The following DPP10 variants were observed in gnomAD, a reference collection of about 807,000 sequenced individuals.
DPP10 encodes dipeptidyl peptidase like 10, also known as inactive dipeptidyl peptidase 10.
In DPP10, 33 loss-of-function variants were observed where a neutral mutation model predicts 120.9. The ratio of observed to expected loss-of-function variants is 0.27; its 90% CI spans 0.21 to 0.37. The LOEUF (loss-of-function observed/expected upper bound fraction) is 0.37, where lower values mean the gene tolerates loss of function less well. Ranked by LOEUF, DPP10 falls within the 10% of genes least tolerant of loss-of-function variation. The probability of loss-of-function intolerance (pLI) is 1.00; values close to 1 mark genes in which losing one functional copy is unlikely to be tolerated. For synonymous variants in DPP10, 337 were observed against 326.1 expected (o/e 1.03, Z -0.36); for missense variants, 816 against 942.8 (o/e 0.87, Z 1.76).
chr2:115,666,722 T>A lies in DPP10; in HGVS notation c.442-22965T>A, dbSNP rs548550993. Among the ~76,000 whole-genome samples, 25 of 152,310 alleles carry A rather than the reference T, an allele frequency of 1.6e-4. No individual in the cohort carries two copies. In the South Asian group the frequency reaches 4.6e-3, roughly 28 times the overall value. ...GGAATAGTGTTGTGATGAACAGACG[T>A]GTTCCTCTGTCTTTATGGTTGAACA... On this transcript the variant is annotated intron_variant, in intron 5 of 25. Transcript: ENST00000410059.
intron 1 of DPP10, among the ~76,000 whole-genome samples, chr2:114,735,545 ATTTTCTTTCTTTTCCTT>A (rs547201631): frequency 6.2e-4 from 95 of 152,096 alleles, no homozygotes; most frequent in African/African-American, 2.2e-3. Flanking sequence ...CACTTATGAG[ATTTTCTTTCTTTTCCTT>A]TTTTCTAATG....
At chr2:115,018,782 A>G (rs1169247116) in intron 1 of DPP10, among the ~76,000 whole-genome samples, 1 of 152,190 alleles carries the variant, frequency 6.6e-6, no homozygotes, top group African/African-American at 2.4e-5. Context: ...TGATGGGTGC[A>G]GCAAACCACC....
chr2:115,356,044 T>C (rs1338751622), intron 3 of DPP10, among the ~76,000 whole-genome samples: 3 of 152,202 alleles, frequency 2.0e-5, no homozygotes, highest in African/African-American at 7.2e-5. Flanking sequence ...TACAGGGTCT[T>C]CTTTGATTCC....
chr2:115,608,814 C>A (rs189743101), intron 5 of DPP10, among the ~76,000 whole-genome samples: 60 of 151,880 alleles, frequency 4.0e-4, no homozygotes, highest in South Asian at 3.6e-3. Context: ...TTTAAAAATT[C>A]TTTTGTTAAT....
At chr2:115,412,487 G>T (rs891540951) in intron 3 of DPP10, among the ~76,000 whole-genome samples, 1 of 152,142 alleles carries the variant, frequency 6.6e-6, no homozygotes, top group African/African-American at 2.4e-5. Context: ...TCTACTCGAA[G>T]GTTCATCGAA....
At chr2:115,802,213 A>G (rs7606579) in intron 19 of DPP10, among the ~76,000 whole-genome samples, 5,750 of 152,126 alleles carry the variant, frequency 0.038, 374 homozygotes, top group African/African-American at 0.13. Context: ...TTTCTATTTT[A>G]TTTGCATAGA....
intron 1 of DPP10, among the ~76,000 whole-genome samples, chr2:114,522,739 A>C (rs1204287096): frequency 2.6e-5 from 4 of 152,158 alleles, no homozygotes; most frequent in Admixed American, 1.3e-4. Flanking sequence ...GAGGTTTAAT[A>C]GACTTACAGT....
intron 1 of DPP10, among the ~76,000 whole-genome samples, chr2:114,969,876 C>G (rs1053389653): frequency 1.3e-5 from 2 of 152,158 alleles, no homozygotes; most frequent in African/African-American, 2.4e-5. Context: ...CCCACTAACC[C>G]TCATTAAATT....
chr2:115,569,213 T>G (rs574833286), intron 5 of DPP10, among the ~76,000 whole-genome samples: 1 of 152,360 alleles, frequency 6.6e-6, no homozygotes, highest in Non-Finnish European at 1.5e-5. Context: ...CAACCTGCTT[T>G]CAGAGTTTGA....
At chr2:114,598,935 G>A (rs1692144001) in intron 1 of DPP10, among the ~76,000 whole-genome samples, 2 of 151,834 alleles carry the variant, frequency 1.3e-5, no homozygotes, top group Non-Finnish European at 2.9e-5. Context: ...CGAAATCTTA[G>A]TTTCCTCCCG....
intron 4 of DPP10, among the ~76,000 whole-genome samples, chr2:115,520,693 T>A (rs1354659794): frequency 6.6e-6 from 1 of 152,218 alleles, no homozygotes; most frequent in African/African-American, 2.4e-5. Flanking sequence ...TCTCTCATTC[T>A]GCCTTCACTC....
chr2:115,528,859 G>A (rs2078289272), intron 5 of DPP10, among the ~76,000 whole-genome samples: 2 of 147,804 alleles, frequency 1.4e-5, no homozygotes, highest in Admixed American at 1.3e-4. Context: ...GAGAAAAGGA[G>A]GGAAATGAGA....
chr2:114,894,175 AAC>A (rs1399779956), intron 1 of DPP10, among the ~76,000 whole-genome samples: 1 of 152,176 alleles, frequency 6.6e-6, no homozygotes, highest in East Asian at 1.9e-4. Flanking sequence ...ATTTTTAAGA[AAC>A]ACACATTAAT....
At chr2:114,697,768 A>AG (rs36110094) in intron 1 of DPP10, among the ~76,000 whole-genome samples, 1 of 151,024 alleles carries the variant, frequency 6.6e-6, no homozygotes, top group East Asian at 1.9e-4. Flanking sequence ...AAAAAAAAAA[A>AG]GACTAGCAGA....
chr2:115,802,149 G>C (rs1347109921), intron 19 of DPP10, among the ~76,000 whole-genome samples: 2 of 152,030 alleles, frequency 1.3e-5, no homozygotes, highest in African/African-American at 4.8e-5. Flanking sequence ...ACTTCTTCCT[G>C]GTTTAGTCTT....
rs561139327 is a variant in DPP10 at position 115,532,746 on chromosome 2, A to G, written c.441+6774A>G. ...AAAGTATGGCAAATCATGATATGTT[A>G]AAACCTTGATGATCAGAATATTTGT... On this transcript the variant is annotated intron_variant, in intron 5 of 25. Transcript: ENST00000410059. 2.0e-5 allele frequency among the ~76,000 whole-genome samples: 3 copies of G among 152,178 alleles called. No homozygotes were observed. The East Asian group carries it at 5.8e-4, about 29-fold the overall frequency.
chr2:115,534,383 A>G (rs2078668411), intron 5 of DPP10, among the ~76,000 whole-genome samples: 1 of 151,272 alleles, frequency 6.6e-6, no homozygotes, highest in Non-Finnish European at 1.5e-5. Context: ...TTCTTGCGAT[A>G]GTTTACTGAG....
intron 5 of DPP10, among the ~76,000 whole-genome samples, chr2:115,662,434 A>ATT (rs58448463): frequency 1.4e-3 from 208 of 146,464 alleles, no homozygotes; most frequent in African/African-American, 4.3e-3. Flanking sequence ...TTTGTTTTTT[A>ATT]TTTTTTTTTT....
chr2:115,113,598 T>C (rs1411167717), intron 1 of DPP10, among the ~76,000 whole-genome samples: 1 of 152,190 alleles, frequency 6.6e-6, no homozygotes, highest in East Asian at 1.9e-4. Flanking sequence ...CTCTGTCTCC[T>C]TGGTACTTAC....
Sources: gnomAD v4.1 joint callset for allele counts (sites outside exome capture counted in the v4.1 genomes callset) on GRCh38, gnomAD v4.1.1 for gene constraint, MANE v1.5 for transcripts, NCBI Gene and HGNC (gene_info 2026-07-23, HGNC 2026-07-21) for gene names.